SMC5: variants seen among roughly 807,000 people sequenced by gnomAD.
The protein encoded by SMC5 is structural maintenance of chromosomes 5, also known as structural maintenance of chromosomes protein 5.
Under a neutral mutation model 148.3 loss-of-function variants are expected in SMC5, and 88 were observed. The observed-to-expected ratio is 0.59, with a 90% CI of 0.50 to 0.71. SMC5 has a LOEUF of 0.71. Among genes scored for constraint, SMC5 ranks in the 30% least tolerant of loss-of-function variants. The pLI, the probability that SMC5 is intolerant of heterozygous loss-of-function variation, is 0.00. For missense variants in SMC5, 1,142 were observed against 1,298.9 expected (o/e 0.88, Z 1.86); for synonymous variants, 421 against 432.8 (o/e 0.97, Z 0.34).
intron 15 of SMC5, among the ~76,000 whole-genome samples, chr9:70,321,236 T>C (rs576571246): frequency 2.8e-4 from 42 of 152,290 alleles, no homozygotes; most frequent in Admixed American, 2.7e-3. Flanking sequence ...GAGGAGGTTA[T>C]ATTGAGTTTC....
chr9:70,308,574 G>A (rs1183425305), intron 11 of SMC5, among the ~76,000 whole-genome samples: 3 of 117,078 alleles, frequency 2.6e-5, no homozygotes, highest in South Asian at 5.6e-4. Context: ...CAGCCTGGGC[G>A]ACAGAGACTC....
chr9:70,268,463 A>C (rs938897633), intron 3 of SMC5, among the ~76,000 whole-genome samples: 23 of 127,620 alleles, frequency 1.8e-4, no homozygotes, highest in East Asian at 3.2e-4. Context: ...TGCCCCCCCC[A>C]AAAAAAAAAC....
intron 18 of SMC5, chr9:70,344,498 G>A (rs2036613557): frequency 1.1e-5 from 2 of 188,658 alleles, no homozygotes. Flanking sequence ...GCCTTTTAAT[G>A]GGTACAGTTG....
intron 2 of SMC5, among the ~76,000 whole-genome samples, chr9:70,267,032 CTT>C (rs60909552): frequency 8.1e-4 from 108 of 133,334 alleles, no homozygotes; most frequent in African/African-American, 2.2e-3. Context: ...CAAGATAAGG[CTT>C]TTTTTTTTTT....
At chr9:70,289,337 C>G (rs1176001364) in intron 8 of SMC5, among the ~76,000 whole-genome samples, 1 of 152,146 alleles carries the variant, frequency 6.6e-6, no homozygotes, top group Non-Finnish European at 1.5e-5. Flanking sequence ...CGCACCTGGC[C>G]TGATTTAGTG....
chr9:70,299,102 C>G (rs2118395193), intron 9 of SMC5, among the ~76,000 whole-genome samples: 1 of 152,054 alleles, frequency 6.6e-6, no homozygotes, highest in Non-Finnish European at 1.5e-5. Context: ...CCCTCGCACC[C>G]TTGCTTTTTA....
At chr9:70,304,028 GCTTGT>G (rs1334175548) in intron 10 of SMC5, among the ~76,000 whole-genome samples, 1 of 151,986 alleles carries the variant, frequency 6.6e-6, no homozygotes, top group African/African-American at 2.4e-5. Flanking sequence ...TTTTTCCCTA[GCTTGT>G]CTTAGTATCT....
intron 13 of SMC5, among the ~76,000 whole-genome samples, chr9:70,318,089 TA>T (rs997337962): frequency 3.3e-5 from 5 of 150,054 alleles, no homozygotes; most frequent in Non-Finnish European, 4.5e-5. Flanking sequence ...TTGGATAGGT[TA>T]AAAAAAAAAT....
At chr9:70,273,341 A>C (rs1386654491) in intron 3 of SMC5, among the ~76,000 whole-genome samples, 1 of 151,928 alleles carries the variant, frequency 6.6e-6, no homozygotes, top group Non-Finnish European at 1.5e-5. Context: ...TCTTAGTTTT[A>C]AATTTTATTG....
chr9:70,346,652 A>G lies in SMC5; in HGVS notation c.2568+3A>G, dbSNP rs763973954. On this transcript the variant is annotated splice_donor_region_variant and intron_variant, in intron 19 of 24. Transcript: ENST00000361138. The stretch of plus-strand genomic sequence containing the variant: ...GACACAACTCCTCACTCCCCATGGT[A>G]TGCAGTACTCATTCTTTTTTCCCAA... 6.2e-7 allele frequency: 1 copy of G among 1,613,764 alleles called. No individual in the cohort carries two copies.
intron 17 of SMC5, among the ~76,000 whole-genome samples, chr9:70,333,285 A>T (rs1587704956): frequency 6.6e-6 from 1 of 152,302 alleles, no homozygotes; most frequent in East Asian, 1.9e-4. Flanking sequence ...CAATTTTAAA[A>T]CAGTACTATT....
At chr9:70,326,402 A>G (rs545027860) in intron 17 of SMC5, among the ~76,000 whole-genome samples, 1 of 152,240 alleles carries the variant, frequency 6.6e-6, no homozygotes, top group Admixed American at 6.5e-5. Flanking sequence ...AAGGTGTACC[A>G]GGCAAATGGA....
At chr9:70,287,585 G>A (rs2034943275) in intron 8 of SMC5, among the ~76,000 whole-genome samples, 1 of 152,144 alleles carries the variant, frequency 6.6e-6, no homozygotes, top group African/African-American at 2.4e-5. Context: ...TTGAAGCATG[G>A]TGTTAATCTC....
chr9:70,304,718 C>A (rs7846908), intron 10 of SMC5, among the ~76,000 whole-genome samples: 3,900 of 151,186 alleles, frequency 0.026, 110 homozygotes, highest in South Asian at 0.07. Context: ...AAAAATAGAT[C>A]AATAAGATTA....
intron 1 of SMC5, among the ~76,000 whole-genome samples, chr9:70,260,055 C>T (rs532250298): frequency 2.0e-5 from 3 of 151,832 alleles, no homozygotes; most frequent in African/African-American, 4.8e-5. Flanking sequence ...AGCGATTCTT[C>T]TGGGTCAGCC....
intron 18 of SMC5, among the ~76,000 whole-genome samples, chr9:70,345,174 ACT>A (rs771865076): frequency 0.016 from 776 of 48,998 alleles, 7 homozygotes; most frequent in Admixed American, 0.026. Flanking sequence ...AGTACAATCT[ACT>A]AATTTTTTTT....
intron 20 of SMC5, among the ~76,000 whole-genome samples, 188 bp downstream of exon 20, chr9:70,347,349 TAAATAG>T (rs1319678430): frequency 3.3e-5 from 5 of 152,228 alleles, no homozygotes; most frequent in Admixed American, 2.0e-4. Context: ...ATTAGAATTT[TAAATAG>T]ATTCTTCCTA....
chr9:70,293,694 T>C (rs1304958909), intron 8 of SMC5, among the ~76,000 whole-genome samples: 1 of 152,198 alleles, frequency 6.6e-6, no homozygotes, highest in Non-Finnish European at 1.5e-5. Context: ...ATCACACAAT[T>C]TGTTTATTCA....
intron 4 of SMC5, 80 bp downstream of exon 4, chr9:70,277,552 T>A: frequency 8.7e-7 from 1 of 1,149,672 alleles, no homozygotes; most frequent in Non-Finnish European, 1.2e-6. Flanking sequence ...GATATCATAA[T>A]GACTGCTATT....
Sources: allele counts gnomAD v4.1 joint callset (sites outside exome capture counted in the v4.1 genomes callset), GRCh38; gene constraint gnomAD v4.1.1; transcripts MANE v1.5; gene names NCBI Gene and HGNC (gene_info 2026-07-23, HGNC 2026-07-21).